The following SEC24B variants were observed in gnomAD, a reference collection of about 807,000 sequenced individuals.
SEC24B encodes SEC24 homolog B, COPII component.
In SEC24B, 45 loss-of-function variants were observed where a neutral mutation model predicts 142.8. That is an observed-to-expected ratio of 0.32 (90% CI 0.25 to 0.40). SEC24B has a LOEUF of 0.40. SEC24B is among the 10% of genes least tolerant of loss of function. SEC24B has a pLI of 1.00. For missense variants in SEC24B, 1,409 were observed against 1,526.8 expected (o/e 0.92, Z 1.29); for synonymous variants, 574 against 568.2 (o/e 1.01, Z -0.15).
intron 2 of SEC24B, among the ~76,000 whole-genome samples, chr4:109,468,922 G>A (rs959524536): frequency 1.3e-5 from 2 of 151,938 alleles, no homozygotes; most frequent in Non-Finnish European, 2.9e-5. Flanking sequence ...CTTTTCAGAG[G>A]CCATCTACAT....
At position 109,455,617 on chromosome 4, in the gene SEC24B, A is replaced by G. The variant is rs147862576; in HGVS notation, c.134-7284A>G. On this transcript the variant is annotated intron_variant, in intron 1 of 23. Transcript: ENST00000265175. ...GTTCTTTTCTTTTTTTCACATGTAG[A>G]TATCTAGTTATTCCAGCACCATTTG... Among the ~76,000 whole-genome samples, 507 of 152,250 alleles carry G rather than the reference A, an allele frequency of 3.3e-3. 4 individuals are homozygous for G. The highest frequency in any genetic ancestry group is 0.011 in the African/African-American group (463 of 41,542).
chr4:109,521,209 T>G, intron 13 of SEC24B, 37 bp downstream of exon 13: 1 of 1,288,656 alleles, frequency 7.8e-7, no homozygotes, highest in Non-Finnish European at 1.1e-6. Flanking sequence ...ATAAAAATAT[T>G]TATATTGTGA....
At chr4:109,475,430 G>A (rs1733008471) in intron 3 of SEC24B, among the ~76,000 whole-genome samples, 2 of 152,154 alleles carry the variant, frequency 1.3e-5, no homozygotes, top group African/African-American at 4.8e-5. Context: ...AAAGAGATTA[G>A]CTTTTTTCTT....
At chr4:109,501,912 G>C (rs774692453) in intron 6 of SEC24B, among the ~76,000 whole-genome samples, 5 of 152,228 alleles carry the variant, frequency 3.3e-5, no homozygotes, top group Admixed American at 1.3e-4. Flanking sequence ...AAGAAGGTTG[G>C]TGGGAGGTCA....
At chr4:109,479,994 GATTTT>G (rs990213106) in intron 3 of SEC24B, among the ~76,000 whole-genome samples, 2 of 152,020 alleles carry the variant, frequency 1.3e-5, no homozygotes, top group African/African-American at 2.4e-5. Context: ...ATTTTACATT[GATTTT>G]ATTTTATTTT....
intron 1 of SEC24B, among the ~76,000 whole-genome samples, chr4:109,451,336 C>G (rs111425948): frequency 3.4e-4 from 52 of 151,314 alleles, no homozygotes; most frequent in African/African-American, 1.2e-3. Flanking sequence ...TCTCAAGTAG[C>G]TGGTGTCATC....
In SEC24B at chr4:109,539,566, A is replaced by C. The variant is rs754530513; in HGVS notation, c.3698A>C (p.Glu1233Ala). 11 of 1,605,668 alleles carry C rather than the reference A, an allele frequency of 6.9e-6. No individual in the cohort carries two copies. The highest frequency in any genetic ancestry group is 1.7e-6 in the Non-Finnish European group (2 of 1,172,494). ...TGCCCTTTTCTTTCTTCCAGAGATG[A>C]GAGTCCTGCCAAAGCAGAATTTTTT... is the stretch of plus-strand genomic sequence containing the variant. ...LSPILHIVKD[E>A]SPAKAEFFQH... The change falls in exon 24 of 24, where the codon GAG becomes GCG. Residue 1233 changes from glutamate to alanine, a missense_variant. By Grantham distance (107) the Glu-to-Ala change is moderately radical. Coordinates refer to ENST00000265175, the MANE Select transcript of SEC24B (RefSeq NM_006323.5).
At position 109,527,109 on chromosome 4, in the gene SEC24B, C is replaced by T. The variant is rs982693542; in HGVS notation, c.2966-213C>T. 2.6e-5 allele frequency among the ~76,000 whole-genome samples: 4 copies of T among 151,546 alleles called. 1 individual carries two copies. The East Asian group carries it at 7.8e-4, about 29-fold the overall frequency. The stretch of plus-strand genomic sequence containing the variant: ...TGGCAGGCACCTGTAATCCCAGCTA[C>T]TTGGGAGGCTGAGGCAGGAGAATCA... On this transcript the variant is annotated intron_variant, in intron 17 of 23. Transcript: ENST00000265175.
intron 1 of SEC24B, chr4:109,449,416 GA>G: frequency 3.4e-6 from 1 of 292,926 alleles, no homozygotes; most frequent in Non-Finnish European, 6.8e-6. Flanking sequence ...TTTTTTTGTA[GA>G]GACGGGATTT....
At chr4:109,507,579 T>G (rs1483915797) in intron 7 of SEC24B, among the ~76,000 whole-genome samples, 1 of 151,760 alleles carries the variant, frequency 6.6e-6, no homozygotes, top group Non-Finnish European at 1.5e-5. Flanking sequence ...TGGCCAACAT[T>G]GTCTTCTTCC....
At chr4:109,535,992 C>T (rs1043931888) in intron 22 of SEC24B, among the ~76,000 whole-genome samples, 9 of 152,098 alleles carry the variant, frequency 5.9e-5, no homozygotes, top group African/African-American at 1.7e-4. Context: ...GCTGGCCTAG[C>T]TTATTGTTAG....
chr4:109,470,220 A>G (rs1325379324), intron 2 of SEC24B, among the ~76,000 whole-genome samples: 1 of 152,196 alleles, frequency 6.6e-6, no homozygotes, highest in Non-Finnish European at 1.5e-5. Context: ...ACATCCCACA[A>G]CACAGCTATC....
At position 109,506,314 on chromosome 4, in the gene SEC24B, A is replaced by G; in HGVS notation, c.1489-14A>G. 1 of 1,482,734 alleles carries G rather than the reference A, an allele frequency of 6.7e-7. No homozygotes were observed. Among genetic ancestry groups the G allele is most frequent in the Non-Finnish European group, 9.0e-7 (1 of 1,116,556 alleles). 91.8% of individuals were successfully genotyped at this position (1,482,734 alleles called of 1,614,324 possible). On this transcript the variant is annotated splice_polypyrimidine_tract_variant and intron_variant, in intron 6 of 23. Coordinates refer to ENST00000265175, the MANE Select transcript of SEC24B (RefSeq NM_006323.5). ...TTTATTGTTCTTTTATTTTGTTTTG[A>G]ATTGCTCTTTCAGCAGTATCCTGGT...
At chr4:109,480,637 C>A (rs11734277) in intron 3 of SEC24B, among the ~76,000 whole-genome samples, 1 of 151,836 alleles carries the variant, frequency 6.6e-6, no homozygotes, top group Non-Finnish European at 1.5e-5. Flanking sequence ...TGCGCCACCA[C>A]GCCCAGCTAA....
chr4:109,538,482 T>A lies in SEC24B; in HGVS notation c.3589-11T>A. 6.3e-7 allele frequency: 1 copy of A among 1,581,576 alleles called. No individual in the cohort carries two copies. Among genetic ancestry groups the A allele is most frequent in the Non-Finnish European group, 8.7e-7 (1 of 1,150,912 alleles). ...GAAAGGAAAGTTTCCTAATTGTATT[T>A]CTTTTACCAGACACATCTTCCAGAG... is the stretch of plus-strand genomic sequence containing the variant. On this transcript the variant is annotated splice_polypyrimidine_tract_variant and intron_variant, in intron 22 of 23. Transcript: ENST00000265175.
At chr4:109,482,532 A>G (rs987745235) in intron 4 of SEC24B, among the ~76,000 whole-genome samples, 1 of 152,186 alleles carries the variant, frequency 6.6e-6, no homozygotes, top group East Asian at 1.9e-4. Context: ...ATAGTGAGAT[A>G]GTTTGAGGAT....
intron 6 of SEC24B, among the ~76,000 whole-genome samples, chr4:109,504,320 C>A (rs1736473959): frequency 1.3e-5 from 2 of 152,140 alleles, no homozygotes; most frequent in African/African-American, 4.8e-5. Context: ...CCTTTGTATA[C>A]TTTGTTCACA....
chr4:109,503,750 G>GT (rs1346834901), intron 6 of SEC24B, among the ~76,000 whole-genome samples: 1 of 151,808 alleles, frequency 6.6e-6, no homozygotes, highest in South Asian at 2.1e-4. Context: ...ATTCTAGCTG[G>GT]TTTTTTTTAG....
At chr4:109,440,325 A>G (rs1267965141) in intron 1 of SEC24B, among the ~76,000 whole-genome samples, 1 of 152,152 alleles carries the variant, frequency 6.6e-6, no homozygotes, top group Admixed American at 6.5e-5. Context: ...CTAGTATTTC[A>G]TGTTACTTTA....
Sources: gnomAD v4.1 joint callset for allele counts (sites outside exome capture counted in the v4.1 genomes callset) on GRCh38, gnomAD v4.1.1 for gene constraint, MANE v1.5 for transcripts, NCBI Gene and HGNC (gene_info 2026-07-23, HGNC 2026-07-21) for gene names.